NRG3: variants seen among roughly 807,000 people sequenced by gnomAD.
NRG3 encodes pro-neuregulin-3, membrane-bound isoform.
NRG3 carries 31 observed loss-of-function variants against 66.9 expected under a neutral mutation model. The observed-to-expected ratio is 0.46, with a 90% CI of 0.35 to 0.63. The LOEUF (loss-of-function observed/expected upper bound fraction) is 0.63. Among genes scored for constraint, NRG3 ranks in the 20% least tolerant of loss-of-function variants. The pLI is 0.00. For missense variants in NRG3, 910 were observed against 878.9 expected (o/e 1.04, Z -0.45); for synonymous variants, 393 against 359.4 (o/e 1.09, Z -1.06).
At chr10:82,614,890 T>C (rs185772274) in intron 2 of NRG3, among the ~76,000 whole-genome samples, 38 of 152,098 alleles carry the variant, frequency 2.5e-4, no homozygotes, top group Non-Finnish European at 4.4e-4. Flanking sequence ...ACCTATAATA[T>C]ATATTTCCAA....
At chr10:82,184,121 G>T (rs960095119) in intron 1 of NRG3, among the ~76,000 whole-genome samples, 1 of 152,108 alleles carries the variant, frequency 6.6e-6, no homozygotes, top group African/African-American at 2.4e-5. Flanking sequence ...GGTGTGGTCT[G>T]CAGAGAACCT....
chr10:82,522,405 A>C (rs1039453857), intron 2 of NRG3, among the ~76,000 whole-genome samples: 1 of 152,146 alleles, frequency 6.6e-6, no homozygotes, highest in Non-Finnish European at 1.5e-5. Context: ...CTTGCACCAC[A>C]ATATGTATTG....
chr10:82,706,049 AC>A (rs2056264187), intron 2 of NRG3, among the ~76,000 whole-genome samples: 1 of 152,062 alleles, frequency 6.6e-6, no homozygotes. Flanking sequence ...GACAGCTCCA[AC>A]CTGGCCTTTA....
intron 3 of NRG3, among the ~76,000 whole-genome samples, chr10:82,838,431 A>G (rs1256481368): frequency 6.6e-6 from 1 of 152,200 alleles, no homozygotes; most frequent in African/African-American, 2.4e-5. Context: ...TGGTGACAAT[A>G]GATGCCCATC....
intron 2 of NRG3, among the ~76,000 whole-genome samples, chr10:82,556,036 A>G (rs1417806684): frequency 6.6e-6 from 1 of 152,126 alleles, no homozygotes; most frequent in Non-Finnish European, 1.5e-5. Context: ...CACCAAATTC[A>G]GTTGCCCCGT....
Position 82,609,628 on chromosome 10 carries a change from T to A in NRG3, c.954-128949T>A, listed in dbSNP as rs2048185633. ...AGAGAGAGAAAATTGGAAAAAAAAA[T>A]AGTTGGAAAACATGTGTTAAACCTC... On this transcript the variant is annotated intron_variant, in intron 2 of 8. Coordinates refer to ENST00000372141, the MANE Select transcript of NRG3 (RefSeq NM_001010848.4). 2.7e-5 allele frequency among the ~76,000 whole-genome samples: 4 copies of A among 149,108 alleles called. No individual in the cohort carries two copies. In the South Asian group the frequency reaches 6.4e-4, roughly 24 times the overall value.
chr10:82,747,076 T>G lies in NRG3; in HGVS notation c.1027+8426T>G, dbSNP rs7072429. Among the ~76,000 whole-genome samples the G allele has an allele frequency of 1.3e-5, 2 of 151,942 alleles. 1 individual carries two copies. The highest frequency in any genetic ancestry group is 3.9e-4 in the East Asian group (2 of 5,182). On this transcript the variant is annotated intron_variant, in intron 3 of 8. Transcript: ENST00000372141. ...CCAGCCTGGGTGATGTAGTGAGACCTTTTCTCAATTAATAACAACAACAAA... is the reference window on the plus strand; with the variant it reads ...CCAGCCTGGGTGATGTAGTGAGACCGTTTCTCAATTAATAACAACAACAAA...
At chr10:82,676,033 A>G (rs557705179) in intron 2 of NRG3, among the ~76,000 whole-genome samples, 17 of 152,224 alleles carry the variant, frequency 1.1e-4, no homozygotes, top group Non-Finnish European at 1.2e-4. Flanking sequence ...AGGGAGGTGT[A>G]TTCTCATTCA....
intron 1 of NRG3, among the ~76,000 whole-genome samples, chr10:81,886,271 G>T (rs1401917245): frequency 3.9e-5 from 6 of 152,150 alleles, no homozygotes; most frequent in African/African-American, 2.4e-5. Flanking sequence ...AGCTGCCTTG[G>T]TTAACAGGTA....
intron 1 of NRG3, among the ~76,000 whole-genome samples, chr10:82,284,719 A>G (rs2079317091): frequency 6.6e-6 from 1 of 152,188 alleles, no homozygotes; most frequent in African/African-American, 2.4e-5. Context: ...ATTGAAAAAC[A>G]GGTTTCTTGA....
At chr10:82,246,620 T>C (rs1589453951) in intron 1 of NRG3, among the ~76,000 whole-genome samples, 2 of 152,148 alleles carry the variant, frequency 1.3e-5, no homozygotes, top group East Asian at 3.9e-4. Context: ...ATCTCAATAA[T>C]TGAAGTTTGA....
intron 2 of NRG3, among the ~76,000 whole-genome samples, chr10:82,366,805 T>G (rs551524712): frequency 6.6e-6 from 1 of 152,350 alleles, no homozygotes; most frequent in South Asian, 2.1e-4. Flanking sequence ...TTTTTCTTAA[T>G]TCTTTCCCAA....
chr10:82,247,419 G>C (rs929554772), intron 1 of NRG3, among the ~76,000 whole-genome samples: 1 of 151,956 alleles, frequency 6.6e-6, no homozygotes, highest in East Asian at 1.9e-4. Flanking sequence ...AGCTCTTGGG[G>C]GTTCCTTTTA....
chr10:82,432,730 C>G (rs2089902555), intron 2 of NRG3, among the ~76,000 whole-genome samples: 1 of 151,996 alleles, frequency 6.6e-6, no homozygotes, highest in South Asian at 2.1e-4. Flanking sequence ...TTTTCTGTTC[C>G]TGTGTTAGTT....
intron 4 of NRG3, among the ~76,000 whole-genome samples, chr10:82,907,926 A>G (rs967724376): frequency 6.6e-6 from 1 of 152,200 alleles, no homozygotes; most frequent in African/African-American, 2.4e-5. Context: ...GAAAGCTTAG[A>G]ACCTTAGCCT....
At chr10:82,278,304 G>A (rs992069679) in intron 1 of NRG3, among the ~76,000 whole-genome samples, 5 of 152,004 alleles carry the variant, frequency 3.3e-5, no homozygotes, top group African/African-American at 1.2e-4. Flanking sequence ...GTGCAGATGT[G>A]CTTCTGACTT....
At chr10:81,876,332 A>T (rs958862693) in intron 1 of NRG3, among the ~76,000 whole-genome samples, 169 bp downstream of exon 1, 12 of 152,212 alleles carry the variant, frequency 7.9e-5, no homozygotes, top group Non-Finnish European at 1.6e-4. Context: ...AGAAGGTGCC[A>T]GCCTGCTCTG....
intron 4 of NRG3, among the ~76,000 whole-genome samples, chr10:82,890,120 C>T (rs1218882201): frequency 7.4e-6 from 1 of 135,054 alleles, no homozygotes; most frequent in Admixed American, 8.0e-5. Flanking sequence ...TCTAGATGAT[C>T]TGCTAAGTTT....
At chr10:82,244,440 T>G (rs1350648566) in intron 1 of NRG3, among the ~76,000 whole-genome samples, 1 of 152,154 alleles carries the variant, frequency 6.6e-6, no homozygotes, top group East Asian at 1.9e-4. Context: ...GGAACTATTT[T>G]TGGGTAGTTG....
Sources: allele counts gnomAD v4.1 joint callset (sites outside exome capture counted in the v4.1 genomes callset), GRCh38; gene constraint gnomAD v4.1.1; transcripts MANE v1.5; gene names NCBI Gene and HGNC (gene_info 2026-07-23, HGNC 2026-07-21).